The following PSD3 variants were observed in gnomAD, a reference collection of about 807,000 sequenced individuals.
PSD3 encodes the protein PH and SEC7 domain-containing protein 3.
A neutral mutation model predicts 105.5 loss-of-function variants in PSD3; 49 were observed. The ratio of observed to expected loss-of-function variants is 0.46; its 90% CI spans 0.37 to 0.59. The LOEUF (loss-of-function observed/expected upper bound fraction) is 0.59. PSD3 is among the 20% of genes least tolerant of loss of function. The pLI, the probability that PSD3 is intolerant of heterozygous loss-of-function variation, is 0.00. For synonymous variants in PSD3, 557 were observed against 457.8 expected (o/e 1.22, Z -2.77); for missense variants, 1,561 against 1,263.8 (o/e 1.24, Z -3.57).
chr8:19,023,664 C>T (rs1379072045), intron 1 of PSD3, among the ~76,000 whole-genome samples: 2 of 151,938 alleles, frequency 1.3e-5, no homozygotes, highest in Admixed American at 6.6e-5. Flanking sequence ...CTGGAACTCC[C>T]GGCCTCAAGT....
At chr8:19,013,862 G>A (rs1398153650), upstream of PSD3, among the ~76,000 whole-genome samples, 2 of 141,850 alleles carry the variant, frequency 1.4e-5, no homozygotes, top group African/African-American at 5.0e-5. Context: ...GAGAGGCGGG[G>A]CCGACGCCTC....
intron 6 of PSD3, among the ~76,000 whole-genome samples, chr8:18,803,813 T>C (rs1185304055): frequency 6.6e-6 from 1 of 152,034 alleles, no homozygotes; most frequent in African/African-American, 2.4e-5. Flanking sequence ...TTAACGAGTA[T>C]GGAGCTTCAG....
chr8:18,918,689 C>T (rs897341041), intron 2 of PSD3, among the ~76,000 whole-genome samples: 1 of 152,208 alleles, frequency 6.6e-6, no homozygotes, highest in African/African-American at 2.4e-5. Context: ...GTTCCAATAA[C>T]ATCCATTCAG....
At chr8:18,967,107 T>C (rs1824307528) in intron 1 of PSD3, among the ~76,000 whole-genome samples, 2 of 152,174 alleles carry the variant, frequency 1.3e-5, no homozygotes, top group South Asian at 4.1e-4. Flanking sequence ...TCACGTGGGC[T>C]GTAAGACCTA....
intron 10 of PSD3, among the ~76,000 whole-genome samples, chr8:18,633,479 T>C (rs1375002354): frequency 2.0e-5 from 3 of 152,088 alleles, no homozygotes; most frequent in Non-Finnish European, 4.4e-5. Context: ...ACCCAATGTT[T>C]AGCTTCCACT....
chr8:19,069,160 C>T (rs1243198929), intron 1 of PSD3, among the ~76,000 whole-genome samples: 1 of 152,184 alleles, frequency 6.6e-6, no homozygotes, highest in Non-Finnish European at 1.5e-5. Flanking sequence ...ATGCAAATGT[C>T]ATTAAATCTT....
intron 10 of PSD3, among the ~76,000 whole-genome samples, chr8:18,633,074 T>A (rs930937807): frequency 6.6e-6 from 1 of 151,968 alleles, no homozygotes; most frequent in Non-Finnish European, 1.5e-5. Context: ...AGGCCACAGA[T>A]TTAGTGATGA....
intron 2 of PSD3, among the ~76,000 whole-genome samples, chr8:18,911,621 T>C (rs915349114): frequency 6.6e-6 from 1 of 152,176 alleles, no homozygotes; most frequent in African/African-American, 2.4e-5. Context: ...TGCATAATAA[T>C]GATGTAAGAG....
intron 1 of PSD3, among the ~76,000 whole-genome samples, chr8:19,082,408 A>G (rs868856895): frequency 2.0e-5 from 3 of 152,180 alleles, no homozygotes; most frequent in Non-Finnish European, 4.4e-5. Context: ...CTCCATTGCA[A>G]TGTGAAGCAG....
intron 1 of PSD3, among the ~76,000 whole-genome samples, chr8:18,948,512 G>A (rs1161378498): frequency 6.6e-6 from 1 of 152,182 alleles, no homozygotes; most frequent in African/African-American, 2.4e-5. Flanking sequence ...AAAAAATGGA[G>A]GTGGGTCAGG....
chr8:18,884,961 G>A (rs774690606), intron 2 of PSD3, among the ~76,000 whole-genome samples: 2 of 152,176 alleles, frequency 1.3e-5, no homozygotes, highest in East Asian at 1.9e-4. Flanking sequence ...CTCTGCAACT[G>A]TGCAGAGCAC....
intron 1 of PSD3, among the ~76,000 whole-genome samples, chr8:19,061,832 C>T (rs1326617143): frequency 2.0e-5 from 3 of 151,794 alleles, no homozygotes; most frequent in African/African-American, 7.3e-5. Flanking sequence ...ACTTCCCAGA[C>T]TTTACACACA....
intron 12 of PSD3, among the ~76,000 whole-genome samples, chr8:18,581,168 G>C (rs1414983701): frequency 6.6e-6 from 1 of 152,166 alleles, no homozygotes; most frequent in Non-Finnish European, 1.5e-5. Context: ...TGTCAACCAT[G>C]ATGGATCATC....
chr8:19,065,067 G>C (rs2410601), intron 1 of PSD3, among the ~76,000 whole-genome samples: 78,516 of 151,898 alleles, frequency 0.52, 21,051 homozygotes, highest in East Asian at 0.86. Context: ...AGGAAGGGGT[G>C]CAGGTTACCT....
At chr8:18,908,912 C>T (rs920524705) in intron 2 of PSD3, among the ~76,000 whole-genome samples, 7 of 152,110 alleles carry the variant, frequency 4.6e-5, no homozygotes, top group African/African-American at 7.2e-5. Context: ...TCTCAGTTCC[C>T]GACAAATTCT....
At chr8:19,017,380 A>T (rs2129475717), upstream of PSD3, among the ~76,000 whole-genome samples, 1 of 152,272 alleles carries the variant, frequency 6.6e-6, no homozygotes, top group East Asian at 1.9e-4. Flanking sequence ...CTCATTGGAA[A>T]GATTTTTTTA....
intron 1 of PSD3, among the ~76,000 whole-genome samples, chr8:19,074,083 C>T (rs1346347336): frequency 2.0e-5 from 3 of 152,196 alleles, no homozygotes; most frequent in Admixed American, 1.3e-4. Context: ...AGCCACCGCG[C>T]CCCGCAGCCC....
intron 9 of PSD3, among the ~76,000 whole-genome samples, chr8:18,680,519 G>A (rs530700773): frequency 1.3e-5 from 2 of 152,260 alleles, no homozygotes; most frequent in African/African-American, 4.8e-5. Context: ...AGCTCAGTCA[G>A]ACTTCATTAA....
Position 18,995,985 on chromosome 8 carries a change from G to C in PSD3, c.21+17578C>G, listed in dbSNP as rs967111462. Among the ~76,000 whole-genome samples, 3 of 151,912 alleles carry C rather than the reference G, an allele frequency of 2.0e-5. 1 individual carries two copies. Among genetic ancestry groups the C allele is most frequent in the Non-Finnish European group, 4.4e-5 (3 of 67,946 alleles). On this transcript the variant is annotated intron_variant, in intron 1 of 15. Transcript: ENST00000327040. ...CACCTAGTAGCTTGTTAAACATGCA[G>C]ATCTCAGGCCCCACTCCAGAACTAA...
Sources: allele counts gnomAD v4.1 joint callset (sites outside exome capture counted in the v4.1 genomes callset), GRCh38; gene constraint gnomAD v4.1.1; transcripts MANE v1.5; gene names NCBI Gene and HGNC (gene_info 2026-07-23, HGNC 2026-07-21).